Variants in P4HA3 observed in about 807,000 individuals in gnomAD.
P4HA3 encodes prolyl 4-hydroxylase subunit alpha-3.
A neutral mutation model predicts 66.7 loss-of-function variants in P4HA3; 60 were observed. That is an observed-to-expected ratio of 0.90 (90% CI 0.73 to 1.12). The LOEUF (loss-of-function observed/expected upper bound fraction) is 1.12, where lower values mean the gene tolerates loss of function less well. P4HA3 is among the 50% of genes most tolerant of loss of function. The probability of loss-of-function intolerance (pLI) is 0.00; values close to 1 mark genes in which losing one functional copy is unlikely to be tolerated. For synonymous variants in P4HA3, 263 were observed against 274.6 expected, an observed-to-expected ratio of 0.96 and a Z score of 0.42; for missense variants, 683 against 685.8, an observed-to-expected ratio of 1.00 and a Z score of 0.05.
At chr11:74,271,403 A>G (rs776518330) in intron 10 of P4HA3, among the ~76,000 whole-genome samples, 1 of 152,222 alleles carries the variant, frequency 6.6e-6, no homozygotes, top group Non-Finnish European at 1.5e-5. Context: ...CATAGCCAAC[A>G]CATTAAAAAG....
At chr11:74,298,438 AG>A in intron 3 of P4HA3, 77 bp from the exon 4 acceptor site, 1 of 1,515,162 alleles carries the variant, frequency 6.6e-7, no homozygotes, top group Non-Finnish European at 8.9e-7. Context: ...AAAGAATAAG[AG>A]GGACTTTGGA....
chr11:74,308,228 A>C (rs1861627360), intron 1 of P4HA3, among the ~76,000 whole-genome samples: 1 of 152,102 alleles, frequency 6.6e-6, no homozygotes, highest in Non-Finnish European at 1.5e-5. Flanking sequence ...AGGCAAACAT[A>C]AAGGCTGGGC....
chr11:74,290,760 T>C (rs930700973), intron 4 of P4HA3, among the ~76,000 whole-genome samples: 8 of 152,224 alleles, frequency 5.3e-5, no homozygotes, highest in South Asian at 2.1e-4. Context: ...GTTGTAGATA[T>C]GCGGCATTAT....
chr11:74,267,012 C>A lies in P4HA3; in HGVS notation c.*236G>T. On this transcript the variant is annotated 3_prime_UTR_variant, in exon 13 of 13. Transcript: ENST00000331597. ...ACTTCCCTCTCAGGCCTCCACTCCC[C>A]CCTCCTTTGTACTGTGCATCCTACT... The A allele has an allele frequency of 6.6e-7, 1 of 1,511,044 alleles. No individual in the cohort carries two copies. Among genetic ancestry groups the A allele is most frequent in the South Asian group, 1.2e-5 (1 of 80,200 alleles). The allele number at this position is 1,511,044 out of a possible 1,614,324, so 93.6% of individuals were successfully genotyped here.
chr11:74,290,034 G>C (rs1310879859), intron 4 of P4HA3, among the ~76,000 whole-genome samples: 7 of 152,116 alleles, frequency 4.6e-5, no homozygotes, highest in African/African-American at 1.7e-4. Context: ...CTTCCACAAT[G>C]GTTGAACTAG....
In P4HA3 at chr11:74,267,053, G is replaced by T; in HGVS notation, c.*195C>A. On this transcript the variant is annotated 3_prime_UTR_variant, in exon 13 of 13. Coordinates refer to ENST00000331597, the MANE Select transcript of P4HA3 (RefSeq NM_182904.5). ...GCATCCTACTCTGACTTCCGTGGCT[G>T]GGGCAGATCAAATGTACATTCTCAG... is the stretch of plus-strand genomic sequence containing the variant. The T allele has an allele frequency of 6.5e-7, 1 of 1,536,370 alleles. No individual in the cohort carries two copies. The highest frequency in any genetic ancestry group is 1.2e-5 in the South Asian group (1 of 83,972).
intron 15 of P4HA3, chr11:74,250,316 C>T (rs1316761223): frequency 6.6e-6 from 1 of 152,340 alleles, no homozygotes; most frequent in Admixed American, 6.5e-5. Context: ...TACGAGCTTA[C>T]AGTGTTCTGT....
chr11:74,293,427 G>T (rs1341683589), intron 4 of P4HA3, among the ~76,000 whole-genome samples: 2 of 152,190 alleles, frequency 1.3e-5, no homozygotes, highest in Non-Finnish European at 2.9e-5. Context: ...CTTTTAATTG[G>T]AGCATTTAGC....
At chr11:74,261,464 T>G (rs1859905682) in intron 14 of P4HA3, among the ~76,000 whole-genome samples, 2 of 152,230 alleles carry the variant, frequency 1.3e-5, no homozygotes. Context: ...TACCTGGGAC[T>G]TGTAGCTAGA....
intron 5 of P4HA3, among the ~76,000 whole-genome samples, chr11:74,286,874 T>C (rs1019964796): frequency 6.6e-6 from 1 of 152,174 alleles, no homozygotes; most frequent in African/African-American, 2.4e-5. Flanking sequence ...CAAAATATGA[T>C]AAGTGCAATG....
In P4HA3 at chr11:74,269,648, T is replaced by G; in HGVS notation, c.1467+4A>C. On this transcript the variant is annotated splice_donor_region_variant and intron_variant, in intron 11 of 12. Coordinates refer to ENST00000331597, the MANE Select transcript of P4HA3 (RefSeq NM_182904.5). ...CCGTCTTCTGGGACCAGGGCCCCAC[T>G]CACCCTAACCACAGGCACGCTGAGG... 3 of 1,612,832 alleles carry G rather than the reference T, an allele frequency of 1.9e-6. No homozygotes were observed. Among genetic ancestry groups the G allele is most frequent in the Non-Finnish European group, 2.5e-6 (3 of 1,179,280 alleles).
In P4HA3 at chr11:74,289,080, G is replaced by T; in HGVS notation, c.768C>A (p.Tyr256Ter). ...GCTTATCTTTTATCCATTACGTACTGTAGAGAAGAAACTCCCGAGAGAGGC... is the reference window on the plus strand; with the variant it reads ...GCTTATCTTTTATCCATTACGTACTTTAGAGAAGAAACTCCCGAGAGAGGC... ...ALSLSREFLLYSPDNKRMARN... is the reference protein window; with the variant it reads ...ALSLSREFLL Residue 256 changes from tyrosine (Y) to a stop codon, truncating the protein, a stop_gained and splice_region_variant, in exon 5 of 13, where the codon TAC becomes TAA. Coordinates refer to ENST00000331597, the MANE Select transcript of P4HA3 (RefSeq NM_182904.5). LOFTEE classifies it high-confidence loss of function. The T allele has an allele frequency of 6.3e-7, 1 of 1,576,800 alleles. No individual in the cohort carries two copies. Among genetic ancestry groups the T allele is most frequent in the Non-Finnish European group, 8.6e-7 (1 of 1,163,400 alleles).
rs746566126 is a variant in P4HA3 at position 74,267,303 on chromosome 11, A to G, written c.1580T>C (p.Ile527Thr). Reference sequence around the variant, plus strand: ...GCGGAATTCCTGTCCATACTCATGTATCCACTTGTTGGCCACTGGGAGAGA... The same window carrying G: ...GCGGAATTCCTGTCCATACTCATGTGTCCACTTGTTGGCCACTGGGAGAGA... Reference protein sequence around the residue: ...VGDKWVANKWIHEYGQEFRRP... With the variant: ...VGDKWVANKWTHEYGQEFRRP... The change falls in exon 13 of 13, where the codon ATA becomes ACA. Residue 527 changes from isoleucine (I) to threonine (T), a missense_variant. By Grantham distance (89) the Ile-to-Thr change is moderately conservative. Coordinates refer to ENST00000331597, the MANE Select transcript of P4HA3 (RefSeq NM_182904.5). The G allele has an allele frequency of 3.1e-6, 5 of 1,614,190 alleles. No individual in the cohort carries two copies. Among genetic ancestry groups the G allele is most frequent in the Non-Finnish European group, 4.2e-6 (5 of 1,180,034 alleles).
At chr11:74,271,536 T>G (rs1461621231) in intron 10 of P4HA3, among the ~76,000 whole-genome samples, 1 of 152,096 alleles carries the variant, frequency 6.6e-6, no homozygotes. Flanking sequence ...CTGATCTTTT[T>G]TTTTTAATAG....
chr11:74,302,026 C>T (rs1314773265), intron 3 of P4HA3, among the ~76,000 whole-genome samples: 1 of 152,098 alleles, frequency 6.6e-6, no homozygotes, highest in African/African-American at 2.4e-5. Context: ...AACAAAGGAC[C>T]ATTTTTCCTA....
intron 15 of P4HA3, chr11:74,251,195 T>C: frequency 6.9e-7 from 1 of 1,449,798 alleles, no homozygotes; most frequent in Non-Finnish European, 9.1e-7. Flanking sequence ...TGGTATTGGT[T>C]TTGTGTATAT....
chr11:74,286,295 C>T lies in P4HA3; in HGVS notation c.866G>A (p.Arg289Lys), dbSNP rs778755583. 6.2e-7 allele frequency: 1 copy of T among 1,611,776 alleles called. No homozygotes were observed. The highest frequency in any genetic ancestry group is 8.5e-7 in the Non-Finnish European group (1 of 1,179,162). The change falls in exon 6 of 13, where the codon AGG (arginine) becomes AAG (lysine). Residue 289 changes from arginine (R) to lysine (K), a missense_variant. By Grantham distance (26) the Arg-to-Lys change is conservative (BLOSUM62 2). Coordinates refer to ENST00000331597, the MANE Select transcript of P4HA3 (RefSeq NM_182904.5). ...GGTCTGCAGGTGGGGTATATTGGGC[C>T]TCTGGATGACAGCCTCAGCTACCAC... Reference protein sequence around the residue: ...NHVVAEAVIQRPNIPHLQTRD... With the variant: ...NHVVAEAVIQKPNIPHLQTRD...
chr11:74,273,198 C>T (rs755345826), intron 10 of P4HA3, among the ~76,000 whole-genome samples: 5 of 152,144 alleles, frequency 3.3e-5, no homozygotes, highest in Non-Finnish European at 4.4e-5. Flanking sequence ...CTGATTAGTC[C>T]ATGAGACCTC....
At chr11:74,294,720 T>C (rs1861155633) in intron 4 of P4HA3, among the ~76,000 whole-genome samples, 3 of 152,208 alleles carry the variant, frequency 2.0e-5, no homozygotes. Flanking sequence ...CTCCAGACCC[T>C]GTTTGCCTGG....
Sources: allele counts gnomAD v4.1 joint callset (sites outside exome capture counted in the v4.1 genomes callset), GRCh38; gene constraint gnomAD v4.1.1; transcripts MANE v1.5; gene names NCBI Gene and HGNC (gene_info 2026-07-23, HGNC 2026-07-21).